The following KCNH1 variants were observed in gnomAD, a reference collection of about 807,000 sequenced individuals.
KCNH1 encodes the protein voltage-gated delayed rectifier potassium channel KCNH1.
A neutral mutation model predicts 69.2 loss-of-function variants in KCNH1; 27 were observed. The observed-to-expected ratio is 0.39, with a 90% CI of 0.29 to 0.54. KCNH1 has a LOEUF of 0.54. KCNH1 is among the 20% of genes least tolerant of loss of function. The pLI is 0.68. For synonymous variants in KCNH1, 456 were observed against 487.7 expected (o/e 0.93, Z 0.86); for missense variants, 798 against 1,261.6 (o/e 0.63, Z 5.57).
chr1:210,945,753 C>T (rs952810196), intron 6 of KCNH1, among the ~76,000 whole-genome samples: 2 of 152,208 alleles, frequency 1.3e-5, no homozygotes, highest in Non-Finnish European at 2.9e-5. Context: ...AGGGCCTTTG[C>T]GCTTGTTTAT....
intron 10 of KCNH1, among the ~76,000 whole-genome samples, chr1:210,689,597 G>T (rs1426600926): frequency 1.3e-5 from 2 of 152,196 alleles, no homozygotes; most frequent in African/African-American, 4.8e-5. Context: ...ATCTATGGAT[G>T]TATCAAAAAG....
chr1:211,007,570 C>T (rs1689307986), intron 6 of KCNH1, among the ~76,000 whole-genome samples: 1 of 152,198 alleles, frequency 6.6e-6, no homozygotes, highest in South Asian at 2.1e-4. Context: ...CCTTCCTCAA[C>T]AGGTGTTTTT....
At position 210,680,345 on chromosome 1, in the gene KCNH1, C is replaced by G. The variant is rs1681234030; in HGVS notation, c.*2936G>C. 7.3e-6 allele frequency: 1 copy of G among 137,086 alleles called. No individual in the cohort carries two copies. The highest frequency in any genetic ancestry group is 2.5e-5 in the African/African-American group (1 of 40,364). 8.5% of individuals were successfully genotyped at this position (137,086 alleles called of 1,614,324 possible). A position where few individuals can be genotyped will look rare whatever the true frequency, so the allele number is the denominator to read the frequency against. On this transcript the variant is annotated 3_prime_UTR_variant, in exon 11 of 11. Transcript: ENST00000271751. Reference sequence around the variant, plus strand: ...GTAGAAATCAAATAACCAGCACTTACTAGATAATGGTGCCACATATCATGC... The same window carrying G: ...GTAGAAATCAAATAACCAGCACTTAGTAGATAATGGTGCCACATATCATGC...
intron 6 of KCNH1, among the ~76,000 whole-genome samples, chr1:210,942,524 C>T (rs531114177): frequency 3.3e-5 from 5 of 152,130 alleles, no homozygotes; most frequent in African/African-American, 7.2e-5. Context: ...AGTCACAAAG[C>T]GGAGAAACTA....
intron 10 of KCNH1, among the ~76,000 whole-genome samples, chr1:210,743,069 AACAGGCT>A (rs1683073258): frequency 6.6e-6 from 1 of 152,216 alleles, no homozygotes; most frequent in Admixed American, 6.5e-5. Flanking sequence ...TAGTAAATTA[AACAGGCT>A]ACTTCACAAA....
intron 7 of KCNH1, among the ~76,000 whole-genome samples, chr1:210,839,576 CT>C (rs1386154933): frequency 1.3e-5 from 2 of 152,152 alleles, no homozygotes; most frequent in Non-Finnish European, 2.9e-5. Context: ...ACGTGTACCC[CT>C]GAACTTAAAA....
chr1:211,105,141 G>A (rs2102484629), intron 2 of KCNH1, among the ~76,000 whole-genome samples: 1 of 152,312 alleles, frequency 6.6e-6, no homozygotes, highest in East Asian at 1.9e-4. Context: ...CTTTGGGGCT[G>A]TACTCTTTGT....
At chr1:210,807,279 T>G (rs1684604380) in intron 7 of KCNH1, among the ~76,000 whole-genome samples, 1 of 152,072 alleles carries the variant, frequency 6.6e-6, no homozygotes, top group Non-Finnish European at 1.5e-5. Flanking sequence ...ATCACAACCT[T>G]TTTCTCCTTT....
At chr1:210,890,508 C>G (rs935144097) in intron 7 of KCNH1, among the ~76,000 whole-genome samples, 1 of 151,938 alleles carries the variant, frequency 6.6e-6, no homozygotes, top group Non-Finnish European at 1.5e-5. Context: ...ACTAAAACAC[C>G]AAAAGCAATG....
intron 7 of KCNH1, among the ~76,000 whole-genome samples, chr1:210,848,544 A>G (rs976470095): frequency 5.9e-5 from 9 of 152,198 alleles, no homozygotes; most frequent in Non-Finnish European, 8.8e-5. Context: ...GATAAGCCCT[A>G]TAACTAAAGT....
Position 210,797,560 on chromosome 1 carries a change from C to T in KCNH1, c.1863G>A (p.Val621=), listed in dbSNP as rs1262993995. Residue 621 remains valine, a synonymous_variant, in exon 9 of 11, where the codon GTG becomes GTA. Coordinates refer to ENST00000271751, the MANE Select transcript of KCNH1 (RefSeq NM_172362.3). ...AGESVDSLCF[V]VSGSLEVIQD... is the part of the protein sequence containing the mutation. ...GGATCACCTCCAGGGAGCCAGAAACCACAAAGCAGAGGCTGTCAACGCTCT... is the reference window on the plus strand; with the variant it reads ...GGATCACCTCCAGGGAGCCAGAAACTACAAAGCAGAGGCTGTCAACGCTCT... The T allele has an allele frequency of 6.2e-7, 1 of 1,614,190 alleles. No individual in the cohort carries two copies. Among genetic ancestry groups the T allele is most frequent in the South Asian group, 1.1e-5 (1 of 91,076 alleles).
At chr1:211,041,703 T>C (rs565306532) in intron 5 of KCNH1, among the ~76,000 whole-genome samples, 1 of 152,256 alleles carries the variant, frequency 6.6e-6, no homozygotes, top group Non-Finnish European at 1.5e-5. Context: ...CTATCTTTCC[T>C]ACCTAATCTG....
At chr1:210,927,820 C>G (rs968670176) in intron 6 of KCNH1, among the ~76,000 whole-genome samples, 4 of 152,036 alleles carry the variant, frequency 2.6e-5, no homozygotes, top group African/African-American at 4.8e-5. Context: ...GGAGACTCAC[C>G]TAACACACAG....
intron 7 of KCNH1, among the ~76,000 whole-genome samples, chr1:210,816,025 G>T (rs770356838): frequency 6.6e-6 from 1 of 152,150 alleles, no homozygotes; most frequent in Non-Finnish European, 1.5e-5. Flanking sequence ...CTTTTTACCA[G>T]ATCTCACTCT....
At chr1:210,945,473 A>G (rs1429119700) in intron 6 of KCNH1, among the ~76,000 whole-genome samples, 1 of 152,174 alleles carries the variant, frequency 6.6e-6, no homozygotes, top group Non-Finnish European at 1.5e-5. Flanking sequence ...AGCCAAATTC[A>G]AACCCAAGCC....
chr1:211,125,056 C>A (rs1271467543), intron 1 of KCNH1, among the ~76,000 whole-genome samples: 1 of 152,180 alleles, frequency 6.6e-6, no homozygotes, highest in Non-Finnish European at 1.5e-5. Context: ...AAGTCTCTAA[C>A]CCTACCCAAA....
intron 6 of KCNH1, among the ~76,000 whole-genome samples, chr1:211,005,825 T>C (rs1689270849): frequency 6.6e-6 from 1 of 152,070 alleles, no homozygotes; most frequent in South Asian, 2.1e-4. Flanking sequence ...GAAAAAAATA[T>C]TTACAGCACA....
chr1:210,856,877 C>CTATATATA (rs150446990), intron 7 of KCNH1, among the ~76,000 whole-genome samples: 9,524 of 101,512 alleles, frequency 0.094, 676 homozygotes, highest in Non-Finnish European at 0.11. Flanking sequence ...ATATAACCCA[C>CTATATATA]TATATATATA....
At chr1:210,912,958 A>G (rs1574334517) in intron 7 of KCNH1, among the ~76,000 whole-genome samples, 2 of 152,364 alleles carry the variant, frequency 1.3e-5, no homozygotes, top group East Asian at 1.9e-4. Flanking sequence ...ATGTTCACAG[A>G]GCAGTATAAA....
Sources: gnomAD v4.1 joint callset for allele counts (sites outside exome capture counted in the v4.1 genomes callset) on GRCh38, gnomAD v4.1.1 for gene constraint, MANE v1.5 for transcripts, NCBI Gene and HGNC (gene_info 2026-07-23, HGNC 2026-07-21) for gene names.